Variants in KLF8 observed in about 807,000 individuals in gnomAD.
KLF8 encodes KLF transcription factor 8, also known as Krueppel-like factor 8.
KLF8 carries 10 observed loss-of-function variants against 18.2 expected under a neutral mutation model. The ratio of observed to expected loss-of-function variants is 0.55; its 90% CI spans 0.34 to 0.93. The LOEUF (loss-of-function observed/expected upper bound fraction) is 0.93, where lower values mean the gene tolerates loss of function less well. Ranked by LOEUF, KLF8 falls within the 40% of genes least tolerant of loss-of-function variation. KLF8 has a pLI of 0.02. For missense variants in KLF8, 264 were observed against 277.9 expected, an observed-to-expected ratio of 0.95 and a Z score of 0.36; for synonymous variants, 109 against 97.3, an observed-to-expected ratio of 1.12 and a Z score of -0.71.
chrX:56,027,413 A>T, the KLF8 span, among the ~76,000 whole-genome samples: 2 of 111,705 alleles, frequency 1.8e-5, no homozygotes, highest in African/African-American at 6.5e-5. Flanking sequence ...TTTCTTGTTG[A>T]TATTTTATGT....
chrX:56,257,076 T>C (rs1387238242), intron 2 of KLF8, among the ~76,000 whole-genome samples: 1 of 111,864 alleles, frequency 8.9e-6, no homozygotes, highest in Non-Finnish European at 1.9e-5. Flanking sequence ...ATTAATGTTT[T>C]ATAATACTAC....
At chrX:56,167,013 A>G in the KLF8 span, among the ~76,000 whole-genome samples, 386 of 112,048 alleles carry the variant, frequency 3.4e-3, 1 homozygote, top group African/African-American at 0.012. Context: ...TATGTGTTCC[A>G]TTTTCTGGCC....
At chrX:56,155,598 G>A in the KLF8 span, among the ~76,000 whole-genome samples, 1 of 111,073 alleles carries the variant, frequency 9.0e-6, no homozygotes, top group East Asian at 2.8e-4. Context: ...AGAACTTAAA[G>A]TATAATAAAA....
chrX:56,168,145 T>A, the KLF8 span, among the ~76,000 whole-genome samples: 1 of 112,017 alleles, frequency 8.9e-6, no homozygotes, highest in Non-Finnish European at 1.9e-5. Flanking sequence ...AATGTCACAA[T>A]TTTAGGCAAA....
chrX:56,040,489 GT>G, the KLF8 span, among the ~76,000 whole-genome samples: 10,217 of 111,444 alleles, frequency 0.092, 1,150 homozygotes, highest in African/African-American at 0.32. Context: ...TAATCATGTG[GT>G]TTTTGTCTTT....
At chrX:56,051,877 T>C in the KLF8 span, among the ~76,000 whole-genome samples, 1 of 109,407 alleles carries the variant, frequency 9.1e-6, no homozygotes, top group Non-Finnish European at 1.9e-5. Context: ...CCAACTTGGT[T>C]CCATTCTCCC....
chrX:56,039,309 C>T, the KLF8 span, among the ~76,000 whole-genome samples: 1 of 111,473 alleles, frequency 9.0e-6, no homozygotes, highest in East Asian at 2.8e-4. Flanking sequence ...AATGGTATTG[C>T]CTAGATTTTC....
chrX:55,983,653 G>A, the KLF8 span, among the ~76,000 whole-genome samples: 1 of 111,562 alleles, frequency 9.0e-6, no homozygotes, highest in African/African-American at 3.3e-5. Flanking sequence ...AGCTTTAATG[G>A]TACAAGTGGG....
chrX:56,255,250 T>C (rs764656304), intron 2 of KLF8, among the ~76,000 whole-genome samples: 4 of 112,911 alleles, frequency 3.5e-5, no homozygotes, highest in Admixed American at 9.3e-5. Flanking sequence ...CTGATTTGAT[T>C]AGTTTGATTT....
the KLF8 span, among the ~76,000 whole-genome samples, chrX:55,974,675 C>T: frequency 8.9e-6 from 1 of 112,219 alleles, no homozygotes; most frequent in Non-Finnish European, 1.9e-5. Context: ...ATATTATGTG[C>T]CAGGTACTTA....
At chrX:56,177,718 G>A in the KLF8 span, among the ~76,000 whole-genome samples, 1 of 111,594 alleles carries the variant, frequency 9.0e-6, no homozygotes, top group East Asian at 2.9e-4. Flanking sequence ...TACAGAGGCA[G>A]GCAGGCCTCC....
the KLF8 span, among the ~76,000 whole-genome samples, chrX:56,189,859 G>A: frequency 2.6e-5 from 2 of 77,540 alleles, no homozygotes; most frequent in Non-Finnish European, 4.8e-5. Context: ...ATCACACTCT[G>A]GGGACTGTTG....
At chrX:55,908,734 C>A in the KLF8 span, 2 of 285,668 alleles carry the variant, frequency 7.0e-6, no homozygotes, top group Non-Finnish European at 1.2e-5. Context: ...CAATCCCGGC[C>A]CCGCCCCGTC....
the KLF8 span, among the ~76,000 whole-genome samples, chrX:56,129,517 T>C: frequency 9.0e-6 from 1 of 111,416 alleles, no homozygotes; most frequent in Non-Finnish European, 1.9e-5. Context: ...GGAAAAGCCC[T>C]GTGAGCCATC....
intron 1 of KLF8, among the ~76,000 whole-genome samples, chrX:56,237,234 T>A (rs1350555839): frequency 9.5e-6 from 1 of 104,877 alleles, no homozygotes; most frequent in East Asian, 3.0e-4. Context: ...TTAGATGAGC[T>A]CATATTATAT....
the KLF8 span, among the ~76,000 whole-genome samples, chrX:56,076,143 A>AT: frequency 8.3e-5 from 9 of 109,072 alleles, no homozygotes; most frequent in Middle Eastern, 4.9e-3. Flanking sequence ...TGAACTCATA[A>AT]TTTTTTTTTA....
the KLF8 span, among the ~76,000 whole-genome samples, chrX:56,020,508 G>C: frequency 1.8e-5 from 2 of 111,474 alleles, no homozygotes; most frequent in Non-Finnish European, 3.8e-5. Flanking sequence ...ACCAATATTT[G>C]GCTATTGATT....
the KLF8 span, among the ~76,000 whole-genome samples, chrX:55,914,494 G>C: frequency 1.8e-5 from 2 of 112,090 alleles, no homozygotes; most frequent in African/African-American, 6.5e-5. Context: ...GGACACTGAG[G>C]GTTAGAGGAA....
the KLF8 span, among the ~76,000 whole-genome samples, chrX:56,049,630 G>T: frequency 6.9e-5 from 7 of 102,121 alleles, no homozygotes; most frequent in African/African-American, 2.6e-4. Context: ...CTTGATCATG[G>T]TGGATAAGCT....
Sources: gnomAD v4.1 joint callset for allele counts (sites outside exome capture counted in the v4.1 genomes callset) on GRCh38, gnomAD v4.1.1 for gene constraint, MANE v1.5 for transcripts, NCBI Gene and HGNC (gene_info 2026-07-23, HGNC 2026-07-21) for gene names.